Variants in SLC36A1 observed in about 807,000 individuals in gnomAD.
SLC36A1 encodes proton-coupled amino acid transporter 1.
SLC36A1 carries 30 observed loss-of-function variants against 47.5 expected under a neutral mutation model. The observed-to-expected ratio is 0.63, with a 90% CI of 0.47 to 0.86. SLC36A1 has a LOEUF of 0.86. SLC36A1 is among the 40% of genes least tolerant of loss of function. The pLI is 0.00. For missense variants in SLC36A1, 517 were observed against 606.0 expected (o/e 0.85, Z 1.54); for synonymous variants, 255 against 249.7 (o/e 1.02, Z -0.20).
At chr5:151,546,440 C>T in the SLC36A1 span, 223 of 751,690 alleles carry the variant, frequency 3.0e-4, 3 homozygotes, top group African/African-American at 3.6e-3. Context: ...CTGGACAGAG[C>T]AAAATCTGCA....
the SLC36A1 span, chr5:151,532,030 A>C: frequency 6.3e-7 from 1 of 1,581,974 alleles, no homozygotes; most frequent in Non-Finnish European, 8.6e-7. Context: ...ACCTGCCTGC[A>C]GCAAACCCTG....
the SLC36A1 span, chr5:151,553,203 G>A: frequency 1.6e-4 from 256 of 1,614,136 alleles, no homozygotes; most frequent in Non-Finnish European, 2.1e-4. Flanking sequence ...GAAGAGTCCG[G>A]GTCTGCCCTC....
chr5:151,460,228 A>G (rs1486887472), intron 2 of SLC36A1, among the ~76,000 whole-genome samples: 1 of 152,208 alleles, frequency 6.6e-6, no homozygotes, highest in Non-Finnish European at 1.5e-5. Flanking sequence ...ATCGTAAGAT[A>G]CTTCTAAGCT....
the SLC36A1 span, among the ~76,000 whole-genome samples, chr5:151,502,886 G>A: frequency 6.7e-6 from 1 of 148,326 alleles, no homozygotes; most frequent in Non-Finnish European, 1.5e-5. Flanking sequence ...AGTACATCCA[G>A]ACAGTGGAGT....
chr5:151,507,566 G>A, the SLC36A1 span: 1 of 1,613,882 alleles, frequency 6.2e-7, no homozygotes, highest in Non-Finnish European at 8.5e-7. Context: ...TCTCGGGAGT[G>A]ACTAGGCAGT....
At chr5:151,471,566 A>C (rs1182391903) in intron 7 of SLC36A1, among the ~76,000 whole-genome samples, 1 of 152,236 alleles carries the variant, frequency 6.6e-6, no homozygotes, top group Non-Finnish European at 1.5e-5. Flanking sequence ...ACTCAGGAAT[A>C]ATTACAGGCC....
chr5:151,526,549 A>T, the SLC36A1 span, among the ~76,000 whole-genome samples: 19 of 152,226 alleles, frequency 1.2e-4, no homozygotes, highest in Admixed American at 4.6e-4. Context: ...ACAGAATCTA[A>T]TGGGCAGAAA....
At chr5:151,483,417 C>T (rs1034296546) in intron 10 of SLC36A1, among the ~76,000 whole-genome samples, 1 of 151,118 alleles carries the variant, frequency 6.6e-6, no homozygotes, top group South Asian at 2.1e-4. Context: ...TCTGTCCCCC[C>T]TTTTGTACAC....
At chr5:151,537,942 A>AGAAGCTAGAGATG in the SLC36A1 span, 2 of 1,613,686 alleles carry the variant, frequency 1.2e-6, no homozygotes, top group African/African-American at 1.3e-5. Context: ...GCCAGTATAG[A>AGAAGCTAGAGATG]GAAGCTAGAG....
At chr5:151,351,537 T>G in the SLC36A1 span, among the ~76,000 whole-genome samples, 64 of 152,268 alleles carry the variant, frequency 4.2e-4, no homozygotes, top group East Asian at 0.011. Flanking sequence ...GCAAGTGGCT[T>G]CTTCTGGTGA....
At chr5:151,367,372 T>TTTTTTTTTTTTTTTTTTG in the SLC36A1 span, among the ~76,000 whole-genome samples, 1 of 137,252 alleles carries the variant, frequency 7.3e-6, no homozygotes, top group Admixed American at 6.9e-5. Flanking sequence ...TTTTTTTTTT[T>TTTTTTTTTTTTTTTTTTG]TTCCCCAGGG....
intron 10 of SLC36A1, among the ~76,000 whole-genome samples, chr5:151,485,068 GT>G (rs1759339542): frequency 6.6e-6 from 1 of 152,124 alleles, no homozygotes. Context: ...TGAGAATGCT[GT>G]TTTGTCATCA....
chr5:151,517,526 C>A, the SLC36A1 span: 1 of 1,467,332 alleles, frequency 6.8e-7, no homozygotes, highest in South Asian at 1.2e-5. Context: ...ATTTCTTTGG[C>A]AGAAATGGGC....
At chr5:151,531,399 A>G in the SLC36A1 span, among the ~76,000 whole-genome samples, 190 of 152,264 alleles carry the variant, frequency 1.2e-3, 1 homozygote, top group Non-Finnish European at 1.2e-3. The surrounding 1 kb of genome is among the most constrained non-coding windows in gnomAD (Gnocchi z 5.7). Context: ...AGGCTCCCAC[A>G]TAAGCTGGCC....
intron 1 of SLC36A1, among the ~76,000 whole-genome samples, chr5:151,440,139 C>T (rs1003476175): frequency 6.6e-6 from 1 of 151,954 alleles, no homozygotes; most frequent in African/African-American, 2.4e-5. Flanking sequence ...CTTTTGTATC[C>T]CTACGTAACA....
chr5:151,509,316 C>G, the SLC36A1 span: 1 of 152,258 alleles, frequency 6.6e-6, no homozygotes, highest in Non-Finnish European at 1.5e-5. Flanking sequence ...CTGGGGAAAT[C>G]TCTAATAAGC....
the SLC36A1 span, chr5:151,542,523 G>T: frequency 1.2e-6 from 2 of 1,614,010 alleles, no homozygotes; most frequent in Admixed American, 1.7e-5. Flanking sequence ...GATAAGTCTG[G>T]CAGGTCTCAC....
the SLC36A1 span, among the ~76,000 whole-genome samples, chr5:151,414,930 C>G: frequency 6.6e-6 from 1 of 152,146 alleles, no homozygotes; most frequent in African/African-American, 2.4e-5. Context: ...CAGACCTCCT[C>G]CAGCTCCAGA....
the SLC36A1 span, chr5:151,529,477 G>GAGGC: frequency 8.5e-7 from 1 of 1,176,798 alleles, no homozygotes; most frequent in South Asian, 1.3e-5. Context: ...AGCCCTAGGA[G>GAGGC]AGGCAGCTCA....
Sources: allele counts gnomAD v4.1 joint callset (sites outside exome capture counted in the v4.1 genomes callset), GRCh38; gene constraint gnomAD v4.1.1; non-coding constraint Gnocchi (gnomAD v3.1); transcripts MANE v1.5; gene names NCBI Gene and HGNC (gene_info 2026-07-23, HGNC 2026-07-21).